Variants in CD8B2 observed in about 807,000 individuals in gnomAD.
CD8B2 encodes the protein CD8B family member 2.
Under a neutral mutation model 23.7 loss-of-function variants are expected in CD8B2, and 11 were observed. The observed-to-expected ratio is 0.46, with a 90% CI of 0.29 to 0.77. CD8B2 has a LOEUF of 0.77. Ranked by LOEUF, CD8B2 falls within the 30% of genes least tolerant of loss-of-function variation. The pLI is 0.09. For missense variants in CD8B2, 197 were observed against 270.5 expected, an observed-to-expected ratio of 0.73 and a Z score of 1.91; for synonymous variants, 90 against 109.3, an observed-to-expected ratio of 0.82 and a Z score of 1.10.
At chr2:106,523,464 A>G (rs181148886) in intron 5 of CD8B2, among the ~76,000 whole-genome samples, 1 of 152,280 alleles carries the variant, frequency 6.6e-6, no homozygotes, top group East Asian at 1.9e-4. Flanking sequence ...GCCTCACCGT[A>G]GAAGGAAGGG....
chr2:106,542,741 A>G (rs1383096401), intron 5 of CD8B2, among the ~76,000 whole-genome samples: 1 of 148,774 alleles, frequency 6.7e-6, no homozygotes, highest in Non-Finnish European at 1.5e-5. Flanking sequence ...TATGAAATAT[A>G]TATGAAATAC....
At chr2:106,540,192 T>TA (rs200911543) in intron 5 of CD8B2, among the ~76,000 whole-genome samples, 8 of 150,208 alleles carry the variant, frequency 5.3e-5, no homozygotes, top group African/African-American at 1.0e-4. Flanking sequence ...CCTCTCAAAT[T>TA]AAAAAAAATA....
At position 106,487,430 on chromosome 2, in the gene CD8B2, C is replaced by A. The variant is rs1311096934; in HGVS notation, c.4C>A (p.Arg2=). The change falls in exon 1 of 6, where the codon CGG becomes AGG. Residue 2 remains arginine (R), a synonymous_variant. Coordinates refer to ENST00000643224, the MANE Select transcript of CD8B2 (RefSeq NM_001349727.2). The part of the protein sequence containing the change: M[R]PRLWLLLAAQ... ...CAGGTGTCCCGGGCGCGCCCCGATG[C>A]GGCCGCGGCTGTGGCTCCTCCTGGC... The A allele has an allele frequency of 4.0e-6, 5 of 1,244,844 alleles. No homozygotes were observed. The highest frequency in any genetic ancestry group is 3.2e-5 in the East Asian group (1 of 31,590). The allele number at this position is 1,244,844 out of a possible 1,614,324, so 77.1% of individuals were successfully genotyped here.
At chr2:106,544,214 C>T (rs1007788001) in exon 6 of CD8B2, 1 of 396,790 alleles carries the variant, frequency 2.5e-6, no homozygotes, top group Non-Finnish European at 4.4e-6. Flanking sequence ...AAGTTACCAA[C>T]AAGTTTTTAG....
Position 106,510,740 on chromosome 2 carries a change from A to AT in CD8B2, c.*3806dup, listed in dbSNP as rs1402209950. 1.3e-5 allele frequency: 2 copies of AT among 152,014 alleles called. No homozygotes were observed. Among genetic ancestry groups the AT allele is most frequent in the Admixed American group, 1.3e-4 (2 of 15,262 alleles). The allele number at this position is 152,014 out of a possible 1,614,324, so 9.4% of individuals were successfully genotyped here. A position where few individuals can be genotyped will look rare whatever the true frequency, so the allele number is the denominator to read the frequency against. ...CAGACAGACCTTGTCTCAAAAATAA[A>AT]TTTTTTCTAAAAAAAGTTTCTTGTT... On this transcript the variant is annotated 3_prime_UTR_variant, in exon 6 of 6. Transcript: ENST00000643224.
At chr2:106,496,979 A>G (rs937226457) in intron 3 of CD8B2, among the ~76,000 whole-genome samples, 5 of 152,184 alleles carry the variant, frequency 3.3e-5, no homozygotes, top group Non-Finnish European at 5.9e-5. Context: ...AGCACTTTAA[A>G]CTTTTCCAGT....
At chr2:106,535,836 C>A (rs1026388848) in intron 5 of CD8B2, among the ~76,000 whole-genome samples, 1 of 152,060 alleles carries the variant, frequency 6.6e-6, no homozygotes, top group Non-Finnish European at 1.5e-5. Flanking sequence ...TGAGGCTGGG[C>A]AACTTATTAA....
At chr2:106,530,951 C>T (rs959297826) in intron 5 of CD8B2, among the ~76,000 whole-genome samples, 22 of 151,848 alleles carry the variant, frequency 1.4e-4, no homozygotes, top group African/African-American at 5.3e-4. Context: ...AATAATCTAC[C>T]CCTTGTTTAG....
At chr2:106,494,736 G>T (rs1273849105) in intron 2 of CD8B2, among the ~76,000 whole-genome samples, 2 of 152,078 alleles carry the variant, frequency 1.3e-5, no homozygotes, top group East Asian at 3.9e-4. Context: ...AAGGAGAGGG[G>T]TGACCCATCC....
At chr2:106,487,658 ACCCCGGGGGACCGGAGAG>A (rs1002428915) in intron 1 of CD8B2, among the ~76,000 whole-genome samples, 189 bp downstream of exon 1, 27 of 151,912 alleles carry the variant, frequency 1.8e-4, no homozygotes, top group African/African-American at 6.3e-4. Context: ...ATATCGCATT[ACCCCGGGGGACCGGAGAG>A]CCCCTGACTG....
chr2:106,500,273 C>A (rs373819813), intron 3 of CD8B2, among the ~76,000 whole-genome samples: 7,735 of 137,542 alleles, frequency 0.056, 57 homozygotes, highest in Middle Eastern at 0.11. Flanking sequence ...AATCCCAGCA[C>A]TTTGGGAGGC....
chr2:106,506,445 A>T (rs1558879154), intron 5 of CD8B2, among the ~76,000 whole-genome samples: 1 of 152,110 alleles, frequency 6.6e-6, no homozygotes, highest in Non-Finnish European at 1.5e-5. Flanking sequence ...TACCTGTAAC[A>T]TGTCATTTGA....
chr2:106,499,114 C>T (rs147954241), intron 3 of CD8B2, among the ~76,000 whole-genome samples: 7,524 of 152,148 alleles, frequency 0.049, 204 homozygotes, highest in Non-Finnish European at 0.055. Context: ...AGACAGTGCT[C>T]CAGAGGAGAC....
At chr2:106,488,517 T>A (rs1679126430) in intron 1 of CD8B2, among the ~76,000 whole-genome samples, 1 of 151,246 alleles carries the variant, frequency 6.6e-6, no homozygotes, top group Non-Finnish European at 1.5e-5. Context: ...CTTACAGGAG[T>A]CGCTTCTGGG....
downstream of CD8B2, among the ~76,000 whole-genome samples, chr2:106,513,507 C>G (rs900920408): frequency 1.3e-5 from 2 of 150,604 alleles, no homozygotes; most frequent in African/African-American, 4.9e-5. Context: ...CAGCCTCTTA[C>G]AGATTTTGTG....
downstream of CD8B2, among the ~76,000 whole-genome samples, chr2:106,513,351 C>G (rs926416347): frequency 2.0e-5 from 3 of 152,114 alleles, no homozygotes; most frequent in African/African-American, 7.2e-5. Context: ...TGCGTGGCTC[C>G]AAGAGTGAGT....
In CD8B2 at chr2:106,511,008, A is replaced by G. The variant is rs1285741687; in HGVS notation, c.*4068A>G. ...GGGAATTTCCACTTCTGCTTTGTAC[A>G]GTTCCTTGTGTGAATTTTTACATCA... On this transcript the variant is annotated 3_prime_UTR_variant, in exon 6 of 6. Transcript: ENST00000643224. The G allele has an allele frequency of 6.6e-6, 1 of 152,320 alleles. No homozygotes were observed. The highest frequency in any genetic ancestry group is 2.1e-4 in the South Asian group (1 of 4,826). 9.4% of individuals were successfully genotyped at this position (152,320 alleles called of 1,614,324 possible).
Position 106,496,169 on chromosome 2 carries a change from G to A in CD8B2, c.404-4G>A. ...AAGATATGTGTCTTGCTTTCTTTCT[G>A]TAGTTGATTTCCTTCCCACCACTGC... On this transcript the variant is annotated splice_polypyrimidine_tract_variant and splice_region_variant and intron_variant, in intron 2 of 5. Transcript: ENST00000643224. 2 of 1,541,442 alleles carry A rather than the reference G, an allele frequency of 1.3e-6. No individual in the cohort carries two copies. Among genetic ancestry groups the A allele is most frequent in the Non-Finnish European group, 1.8e-6 (2 of 1,139,996 alleles).
chr2:106,538,254 A>G (rs145162966), intron 5 of CD8B2, among the ~76,000 whole-genome samples: 2 of 152,304 alleles, frequency 1.3e-5, no homozygotes, highest in Non-Finnish European at 2.9e-5. Context: ...AGGGTGGTCA[A>G]CTCAGGGGCT....
Sources: gnomAD v4.1 joint callset for allele counts (sites outside exome capture counted in the v4.1 genomes callset) on GRCh38, gnomAD v4.1.1 for gene constraint, MANE v1.5 for transcripts, NCBI Gene and HGNC (gene_info 2026-07-23, HGNC 2026-07-21) for gene names.